TTC38: variants seen among roughly 807,000 people sequenced by gnomAD.
TTC38 encodes tetratricopeptide repeat domain 38.
TTC38 carries 64 observed loss-of-function variants against 64.2 expected under a neutral mutation model. The observed-to-expected ratio is 1.00, with a 90% CI of 0.81 to 1.23. TTC38 has a LOEUF of 1.23. Ranked by LOEUF, TTC38 falls within the 50% of genes most tolerant of loss-of-function variation. The pLI is 0.00. For synonymous variants in TTC38, 254 were observed against 249.3 expected, an observed-to-expected ratio of 1.02 and a Z score of -0.18; for missense variants, 573 against 615.5, an observed-to-expected ratio of 0.93 and a Z score of 0.73.
Position 46,281,708 on chromosome 22 carries a change from C to T in TTC38, c.725C>T (p.Thr242Ile), listed in dbSNP as rs543866937. 2 of 1,614,042 alleles carry T rather than the reference C, an allele frequency of 1.2e-6. No homozygotes were observed. Among genetic ancestry groups the T allele is most frequent in the Non-Finnish European group, 1.7e-6 (2 of 1,180,030 alleles). The change falls in exon 7 of 14, where the codon ACC becomes ATC. Residue 242 changes from threonine (T) to isoleucine (I), a missense_variant. Around this residue, in one of 3 missense-constraint regions of TTC38, gnomAD observed 371 missense variants for 381.8 expected, o/e 0.97. Transcript: ENST00000381031. This position sits in a 1 kb window ranked among gnomAD's most constrained non-coding sequence, Gnocchi z 5.2. ...TTGGAATTCATGCAGCACTCAGAGACCTTCTGGAAGGTATGATGCTTGTCA... is the reference window on the plus strand; with the variant it reads ...TTGGAATTCATGCAGCACTCAGAGATCTTCTGGAAGGTATGATGCTTGTCA... ...DGLEFMQHSE[T>I]FWKDSDMLAC...
At chr22:46,290,217 C>T (rs990849049) in intron 13 of TTC38, among the ~76,000 whole-genome samples, 1 of 152,196 alleles carries the variant, frequency 6.6e-6, no homozygotes, top group Non-Finnish European at 1.5e-5. Flanking sequence ...ACCCTTTCTC[C>T]TTTTTTGCAC....
At chr22:46,286,523 TG>T (rs1169021942) in intron 9 of TTC38, among the ~76,000 whole-genome samples, 1 of 152,008 alleles carries the variant, frequency 6.6e-6, no homozygotes, top group Non-Finnish European at 1.5e-5. Context: ...TAGCTGCATG[TG>T]GTGGTGGGCA....
chr22:46,278,971 G>A (rs2077514053), intron 6 of TTC38, among the ~76,000 whole-genome samples: 1 of 152,220 alleles, frequency 6.6e-6, no homozygotes, highest in African/African-American at 2.4e-5. Context: ...GCACAGAATG[G>A]CAGGTCTGGG....
At chr22:46,285,118 G>A in intron 8 of TTC38, 123 bp from the exon 9 acceptor site, 2 of 829,848 alleles carry the variant, frequency 2.4e-6, no homozygotes, top group East Asian at 5.0e-5. Context: ...GTCCACCTCT[G>A]AGAGGAGGTG....
Position 46,274,216 on chromosome 22 carries a change from G to C in TTC38, c.365+147G>C, listed in dbSNP as rs929653219. 1.1e-5 allele frequency: 8 copies of C among 730,512 alleles called. No individual in the cohort carries two copies. In the African/African-American group the frequency reaches 1.4e-4, roughly 13 times the overall value. 45.3% of individuals were successfully genotyped at this position (730,512 alleles called of 1,614,324 possible). On this transcript the variant is annotated intron_variant, in intron 4 of 13. Transcript: ENST00000381031. The surrounding 1 kb of genome is among the most constrained non-coding windows in gnomAD (Gnocchi z 4.8). ...TCCTGAGATGCTCTGATGGAAAATC[G>C]CATCCTGTCTGCTTCCCTATTCTTG...
Position 46,293,058 on chromosome 22 carries a change from C to T in TTC38, c.*174C>T, listed in dbSNP as rs191676607. 393 of 577,860 alleles carry T rather than the reference C, an allele frequency of 6.8e-4. 2 individuals carry two copies. The highest frequency in any genetic ancestry group is 4.4e-3 in the African/African-American group (236 of 53,978). 35.8% of individuals were successfully genotyped at this position (577,860 alleles called of 1,614,324 possible). On this transcript the variant is annotated 3_prime_UTR_variant, in exon 14 of 14. Coordinates refer to ENST00000381031, the MANE Select transcript of TTC38 (RefSeq NM_017931.4). The surrounding 1 kb of genome is among the most constrained non-coding windows in gnomAD (Gnocchi z 6.6). ...CACGGGTTAATTTTAAATGTGATTC[C>T]GAATCTCCTTTCAGTCCTCGAGAAG...
rs1459389097 is a variant in TTC38, at chr22:46,278,674, T to A, written c.615+13T>A. ...ACTCGCCAAAGAGGTAAGTGGGTCC[T>A]TCCTAAGGTGCCTGACCCCTCAGGG... On this transcript the variant is annotated intron_variant, in intron 6 of 13. Coordinates refer to ENST00000381031, the MANE Select transcript of TTC38 (RefSeq NM_017931.4). The A allele has an allele frequency of 6.2e-7, 1 of 1,612,086 alleles. No homozygotes were observed. Among genetic ancestry groups the A allele is most frequent in the African/African-American group, 1.3e-5 (1 of 74,890 alleles).
rs983374893 is a variant in TTC38 at position 46,271,559 on chromosome 22, G to T, written c.112-776G>T. Among the ~76,000 whole-genome samples, 1 of 151,682 alleles carries T rather than the reference G, an allele frequency of 6.6e-6. No individual in the cohort carries two copies. The highest frequency in any genetic ancestry group is 1.5e-5 in the Non-Finnish European group (1 of 67,902). On this transcript the variant is annotated intron_variant, in intron 2 of 13. Transcript: ENST00000381031. This position sits in a 1 kb window ranked among gnomAD's most constrained non-coding sequence, Gnocchi z 5.5. ...CACCCAGGCTGGGGTGCAGTGGCAC[G>T]ATCTCAGCTCACTGCAACCTCTACC...
chr22:46,287,049 C>T (rs201497833), intron 9 of TTC38, 24 bp from the exon 10 acceptor site: 68 of 1,581,032 alleles, frequency 4.3e-5, no homozygotes, highest in Admixed American at 8.5e-5. Context: ...CCGCTGAGCC[C>T]GCCTTGGCCG....
rs1222675313 is a variant in TTC38, at chr22:46,291,725, C to T, written c.1317-1066C>T. On this transcript the variant is annotated intron_variant, in intron 13 of 13. Transcript: ENST00000381031. This position sits in a 1 kb window ranked among gnomAD's most constrained non-coding sequence, Gnocchi z 4.6. The stretch of plus-strand genomic sequence containing the variant: ...ATCCCAGCACTTTCGGAGGCCAAGG[C>T]GGGTGGATCACCTGAGGTCAGGAGT... Among the ~76,000 whole-genome samples, 2 of 152,124 alleles carry T rather than the reference C, an allele frequency of 1.3e-5. No homozygotes were observed. The highest frequency in any genetic ancestry group is 2.4e-5 in the African/African-American group (1 of 41,410).
In TTC38 at chr22:46,282,117, G is replaced by T; in HGVS notation, c.735+399G>T. On this transcript the variant is annotated intron_variant, in intron 7 of 13. Coordinates refer to ENST00000381031, the MANE Select transcript of TTC38 (RefSeq NM_017931.4). This position sits in a 1 kb window ranked among gnomAD's most constrained non-coding sequence, Gnocchi z 4.4. ...TGGCTAGGGAAGGCATCCTGGAGGG[G>T]GCAACCTCTGAGTTGGCTACTGAAG... 2.5e-6 allele frequency: 1 copy of T among 393,722 alleles called. No homozygotes were observed. Among genetic ancestry groups the T allele is most frequent in the South Asian group, 1.9e-5 (1 of 52,760 alleles). 24.4% of individuals were successfully genotyped at this position (393,722 alleles called of 1,614,324 possible).
intron 7 of TTC38, among the ~76,000 whole-genome samples, chr22:46,283,619 A>C (rs1056859253): frequency 6.6e-6 from 1 of 152,094 alleles, no homozygotes; most frequent in African/African-American, 2.4e-5. Flanking sequence ...TGGGAGGCTG[A>C]GGCGGGCGGA....
chr22:46,292,853 G>T lies in TTC38; in HGVS notation c.1379G>T (p.Arg460Leu), dbSNP rs368112014. ...TCGCCCCTGACCGAGCGGCTCATCC[G>T]CAAGGCAGCTACCGTCCACCTCATG... ...PNSPLTERLI[R>L]KAATVHLMQ The change falls in exon 14 of 14, where the codon CGC (arginine) becomes CTC (leucine). Residue 460 changes from arginine to leucine, a missense_variant. Physicochemically the swap from Arg to Leu is moderately radical, Grantham distance 102 (BLOSUM62 -2). Around this residue, in one of 3 missense-constraint regions of TTC38, gnomAD observed 371 missense variants for 381.8 expected, o/e 0.97. Coordinates refer to ENST00000381031, the MANE Select transcript of TTC38 (RefSeq NM_017931.4). This position sits in a 1 kb window ranked among gnomAD's most constrained non-coding sequence, Gnocchi z 6.5. The T allele has an allele frequency of 1.1e-5, 18 of 1,613,854 alleles. No homozygotes were observed. The highest frequency in any genetic ancestry group is 1.4e-5 in the Non-Finnish European group (16 of 1,179,846).
intron 6 of TTC38, 54 bp downstream of exon 6, chr22:46,278,715 G>C (rs2077511712): frequency 6.9e-7 from 1 of 1,439,692 alleles, no homozygotes; most frequent in South Asian, 1.1e-5. Context: ...CCGTTGGCTG[G>C]ACCAGGGCAT....
At position 46,278,632 on chromosome 22, in the gene TTC38, T is replaced by G. The variant is rs755269951; in HGVS notation, c.586T>G (p.Tyr196Asp). 2 of 1,614,076 alleles carry G rather than the reference T, an allele frequency of 1.2e-6. No individual in the cohort carries two copies. The highest frequency in any genetic ancestry group is 2.7e-5 in the African/African-American group (2 of 74,934). ...TTTTGGCTTGATGGAAACCAACTTC[T>G]ACGACCAGGCAGAAAAACTCGCCAA... ...YSFGLMETNF[Y>D]DQAEKLAKEA... Residue 196 changes from tyrosine (Y) to aspartate (D), a missense_variant, in exon 6 of 14, where the codon TAC becomes GAC. Around this residue, in one of 3 missense-constraint regions of TTC38, gnomAD observed 371 missense variants for 381.8 expected, o/e 0.97. Coordinates refer to ENST00000381031, the MANE Select transcript of TTC38 (RefSeq NM_017931.4).
At chr22:46,283,412 T>C (rs1032072442) in intron 7 of TTC38, among the ~76,000 whole-genome samples, 2 of 152,208 alleles carry the variant, frequency 1.3e-5, no homozygotes, top group Non-Finnish European at 2.9e-5. Flanking sequence ...GCTCCCCAGC[T>C]CAGGCGAGTA....
chr22:46,268,639 G>A (rs1936818501), intron 2 of TTC38, 48 bp downstream of exon 2: 2 of 1,573,196 alleles, frequency 1.3e-6, no homozygotes, highest in South Asian at 1.1e-5. Context: ...AGGTCTAGGG[G>A]AAGGTTTTTT....
chr22:46,277,074 CACACACACACAT>C (rs1226136039), intron 5 of TTC38, among the ~76,000 whole-genome samples: 9 of 151,052 alleles, frequency 6.0e-5, no homozygotes, highest in African/African-American at 2.2e-4. Flanking sequence ...CACACACACA[CACACACACACAT>C]ACATTTTAAA....
In TTC38 at chr22:46,291,589, C is replaced by T. The variant is rs914349701; in HGVS notation, c.1317-1202C>T. Among the ~76,000 whole-genome samples, 6 of 152,186 alleles carry T rather than the reference C, an allele frequency of 3.9e-5. No individual in the cohort carries two copies. Among genetic ancestry groups the T allele is most frequent in the Non-Finnish European group, 8.8e-5 (6 of 68,030 alleles). The stretch of plus-strand genomic sequence containing the variant: ...CCCGGCCCCAGCCCCTTCACACCAC[C>T]CACGCCCTCTAGAACCACTGTTTTC... On this transcript the variant is annotated intron_variant, in intron 13 of 13. Transcript: ENST00000381031. This position sits in a 1 kb window ranked among gnomAD's most constrained non-coding sequence, Gnocchi z 4.6.
Sources: allele counts gnomAD v4.1 joint callset (sites outside exome capture counted in the v4.1 genomes callset), GRCh38; gene constraint gnomAD v4.1.1; regional missense constraint gnomAD v4.1.1; non-coding constraint Gnocchi (gnomAD v3.1); transcripts MANE v1.5; gene names NCBI Gene and HGNC (gene_info 2026-07-23, HGNC 2026-07-21).